AGGF1: variants seen among roughly 807,000 people sequenced by gnomAD.
AGGF1 encodes angiogenic factor with G-patch and FHA domains 1, also known as angiogenic factor with G patch and FHA domains 1.
In AGGF1, 56 loss-of-function variants were observed where a neutral mutation model predicts 86.5. The ratio of observed to expected loss-of-function variants is 0.65; its 90% confidence interval spans 0.52 to 0.81. The LOEUF is 0.81. AGGF1 is among the 30% of genes least tolerant of loss of function. The pLI is 0.00. For synonymous variants in AGGF1, 313 were observed against 297.1 expected, an observed-to-expected ratio of 1.05 and a Z score of -0.55; for missense variants, 816 against 850.9, an observed-to-expected ratio of 0.96 and a Z score of 0.51.
chr5:77,037,396 TAAG>T (rs1307290180), intron 4 of AGGF1, among the ~76,000 whole-genome samples: 1 of 152,218 alleles, frequency 6.6e-6, no homozygotes, highest in Non-Finnish European at 1.5e-5. Flanking sequence ...TTAGGCCACA[TAAG>T]GAGACTTCTT....
In AGGF1 at chr5:77,030,786, C is replaced by A. The variant is rs779221574; in HGVS notation, c.20C>A (p.Ser7Tyr). 1.9e-6 allele frequency: 3 copies of A among 1,586,836 alleles called. No individual in the cohort carries two copies. The highest frequency in any genetic ancestry group is 8.5e-7 in the Non-Finnish European group (1 of 1,171,376). ...GAGCTCATGGCCTCGGAGGCGCCGT[C>A]CCCGCCGCGGTCGCCGCCGCCGCCC... MASEAP[S>Y]PPRSPPPPTS... is the part of the protein sequence containing the mutation. Residue 7 changes from serine to tyrosine, a missense_variant, in exon 1 of 14, where the codon TCC (serine) becomes TAC (tyrosine). Ser to Tyr is a moderately radical substitution (Grantham distance 144, BLOSUM62 -2). Around this residue, in one of 3 missense-constraint regions of AGGF1, gnomAD observed 240 missense variants for 234.4 expected, o/e 1.02. Coordinates refer to ENST00000312916, the MANE Select transcript of AGGF1 (RefSeq NM_018046.5).
intron 3 of AGGF1, 157 bp downstream of exon 3, chr5:77,035,900 C>A: frequency 2.8e-6 from 2 of 719,622 alleles, no homozygotes. Flanking sequence ...GTAGTTTTTC[C>A]AAAACCAGAA....
At chr5:77,033,613 A>G (rs1461352294) in intron 1 of AGGF1, among the ~76,000 whole-genome samples, 1 of 152,174 alleles carries the variant, frequency 6.6e-6, no homozygotes. Context: ...CCCTCACTGT[A>G]GTTCCTGCCC....
In AGGF1 at chr5:77,034,384, G is replaced by A. The variant is rs745552804; in HGVS notation, c.211-34G>A. On this transcript the variant is annotated intron_variant, in intron 1 of 13. Coordinates refer to ENST00000312916, the MANE Select transcript of AGGF1 (RefSeq NM_018046.5). The stretch of plus-strand genomic sequence containing the variant: ...TATATATATTATTAGATTGTTACAT[G>A]ATTTCTTTTTCCTAAAGCCTTGTTT... 3.1e-6 allele frequency: 4 copies of A among 1,304,872 alleles called. No individual in the cohort carries two copies. The African/African-American group carries it at 4.4e-5, about 14-fold the overall frequency. The allele number at this position is 1,304,872 out of a possible 1,614,324, so 80.8% of individuals were successfully genotyped here.
Position 77,039,686 on chromosome 5 carries a change from A to G in AGGF1, c.837A>G (p.Lys279=). The change falls in exon 5 of 14, where the codon AAA becomes AAG. Residue 279 remains lysine (K), a synonymous_variant. Coordinates refer to ENST00000312916, the MANE Select transcript of AGGF1 (RefSeq NM_018046.5). ...ATAAAAAATTGAAGAAGAAAAGAAAAGATCCAGATTCTTCTGCAACAAATG... is the reference window on the plus strand; with the variant it reads ...ATAAAAAATTGAAGAAGAAAAGAAAGGATCCAGATTCTTCTGCAACAAATG... ...SKDKKLKKKR[K]DPDSSATNEE... 6.2e-7 allele frequency: 1 copy of G among 1,612,116 alleles called. No individual in the cohort carries two copies. The highest frequency in any genetic ancestry group is 8.5e-7 in the Non-Finnish European group (1 of 1,179,276).
chr5:77,030,660 G>A lies in AGGF1; in HGVS notation c.-107G>A, dbSNP rs556999589. On this transcript the variant is annotated 5_prime_UTR_variant, in exon 1 of 14. Transcript: ENST00000312916. ...GCCACCGCGGCCAGCCGGGTGTGAG[G>A]CTGCCTTTCGCTGCCCGCGCGCTCC... The A allele has an allele frequency of 1.1e-4, 147 of 1,294,100 alleles. No individual in the cohort carries two copies. The highest frequency in any genetic ancestry group is 1.5e-4 in the Non-Finnish European group (136 of 932,064). 80.2% of individuals were successfully genotyped at this position (1,294,100 alleles called of 1,614,324 possible).
intron 13 of AGGF1, among the ~76,000 whole-genome samples, chr5:77,062,005 G>C (rs974907575): frequency 6.6e-6 from 1 of 152,048 alleles, no homozygotes; most frequent in Non-Finnish European, 1.5e-5. Context: ...GCCTCTTTTT[G>C]AGTTTTTTTC....
At chr5:77,041,764 G>A (rs1437477357) in intron 5 of AGGF1, among the ~76,000 whole-genome samples, 7 of 147,168 alleles carry the variant, frequency 4.8e-5, no homozygotes, top group East Asian at 3.9e-4. Context: ...GAAAATGTGC[G>A]AATTCCAAGA....
chr5:77,042,550 C>G (rs1384811040), intron 5 of AGGF1, among the ~76,000 whole-genome samples: 3 of 80,002 alleles, frequency 3.7e-5, no homozygotes, highest in Non-Finnish European at 9.1e-5. Context: ...CGCCCCTCAC[C>G]TCCCGGACGG....
At position 77,048,927 on chromosome 5, in the gene AGGF1, ACT is replaced by A; in HGVS notation, c.1314-6_1314-5del. On this transcript the variant is annotated splice_polypyrimidine_tract_variant and splice_region_variant and intron_variant, in intron 7 of 13. Coordinates refer to ENST00000312916, the MANE Select transcript of AGGF1 (RefSeq NM_018046.5). The stretch of plus-strand genomic sequence containing the variant: ...AAAATTATTAAAGACACTTTACTTA[ACT>A]CTGCAGAGAAAAGGATATGGAACAT... 1 of 1,613,226 alleles carries A rather than the reference ACT, an allele frequency of 6.2e-7. No homozygotes were observed. The highest frequency in any genetic ancestry group is 8.5e-7 in the Non-Finnish European group (1 of 1,179,500).
At chr5:77,046,043 C>T (rs1561287497) in intron 5 of AGGF1, among the ~76,000 whole-genome samples, 1 of 152,174 alleles carries the variant, frequency 6.6e-6, no homozygotes, top group African/African-American at 2.4e-5. Context: ...AATGTTAAGA[C>T]ATTGAGAATA....
chr5:77,051,815 A>G (rs1747376778), intron 8 of AGGF1, among the ~76,000 whole-genome samples: 1 of 152,240 alleles, frequency 6.6e-6, no homozygotes, highest in Non-Finnish European at 1.5e-5. Context: ...TGTTTTCAGA[A>G]GGATGGGTGG....
intron 13 of AGGF1, 82 bp downstream of exon 13, chr5:77,061,884 A>G: frequency 7.5e-7 from 1 of 1,333,670 alleles, no homozygotes; most frequent in African/African-American, 1.4e-5. Flanking sequence ...CGTTGCCTTA[A>G]GTGCTAAGAA....
At chr5:77,056,128 A>G (rs1747452908) in intron 11 of AGGF1, among the ~76,000 whole-genome samples, 1 of 151,954 alleles carries the variant, frequency 6.6e-6, no homozygotes, top group Admixed American at 6.6e-5. Flanking sequence ...AGATAAATGG[A>G]TGGAACAAAA....
intron 9 of AGGF1, among the ~76,000 whole-genome samples, chr5:77,053,560 T>C (rs190932767): frequency 6.6e-6 from 1 of 152,260 alleles, no homozygotes; most frequent in East Asian, 1.9e-4. Flanking sequence ...TTATTCTTAG[T>C]CTGTAAGAGT....
chr5:77,034,379 TA>T (rs1196893114), intron 1 of AGGF1, 38 bp from the exon 2 acceptor site: 2 of 1,243,074 alleles, frequency 1.6e-6, no homozygotes, highest in African/African-American at 3.0e-5. Context: ...ATTAGATTGT[TA>T]CATGATTTCT....
chr5:77,043,507 C>G (rs867632011), intron 5 of AGGF1, among the ~76,000 whole-genome samples: 1 of 108,928 alleles, frequency 9.2e-6, no homozygotes, highest in East Asian at 2.9e-4. Context: ...ACCTCCCTCC[C>G]GGACGGGGCG....
At position 77,039,577 on chromosome 5, in the gene AGGF1, G is replaced by A. The variant is rs1369287799; in HGVS notation, c.728G>A (p.Cys243Tyr). The change falls in exon 5 of 14, where the codon TGT (cysteine) becomes TAT (tyrosine). Residue 243 changes from cysteine (C) to tyrosine (Y), a missense_variant. Physicochemically the swap from Cys to Tyr is radical, Grantham distance 194. Transcript: ENST00000312916. ...YDPSTGIYYY[C>Y]DVESGRYQFH... Reference sequence around the variant, plus strand: ...CCTTCCACTGGAATTTATTACTATTGTGATGTGGAAAGTGGTCGTTATCAG... The same window carrying A: ...CCTTCCACTGGAATTTATTACTATTATGATGTGGAAAGTGGTCGTTATCAG... The A allele has an allele frequency of 3.7e-6, 6 of 1,612,516 alleles. No individual in the cohort carries two copies. In the African/African-American group the frequency reaches 8.0e-5, roughly 22 times the overall value.
chr5:77,047,189 G>A (rs923080859), intron 6 of AGGF1, among the ~76,000 whole-genome samples: 5 of 151,850 alleles, frequency 3.3e-5, no homozygotes, highest in African/African-American at 9.7e-5. Flanking sequence ...AGCAACCTCA[G>A]ATCAAAAATA....
Sources: gnomAD v4.1 joint callset for allele counts (sites outside exome capture counted in the v4.1 genomes callset) on GRCh38, gnomAD v4.1.1 for gene constraint, gnomAD v4.1.1 regional missense constraint, MANE v1.5 for transcripts, NCBI Gene and HGNC (gene_info 2026-07-23, HGNC 2026-07-21) for gene names.